TENM2: variants seen among roughly 807,000 people sequenced by gnomAD.
The protein encoded by TENM2 is teneurin transmembrane protein 2.
TENM2 carries 52 observed loss-of-function variants against 245.2 expected under a neutral mutation model. The ratio of observed to expected loss-of-function variants is 0.21; its 90% confidence interval spans 0.17 to 0.27. The LOEUF (loss-of-function observed/expected upper bound fraction) is 0.27, where lower values mean the gene tolerates loss of function less well. Ranked by LOEUF, TENM2 falls within the 10% of genes least tolerant of loss-of-function variation. TENM2 has a pLI of 1.00. For synonymous variants in TENM2, 1,363 were observed against 1,438.9 expected (o/e 0.95, Z 1.19); for missense variants, 3,046 against 3,666.8 (o/e 0.83, Z 4.37).
intron 27 of TENM2, among the ~76,000 whole-genome samples, chr5:168,248,588 C>T (rs1766810849): frequency 6.6e-6 from 1 of 152,228 alleles, no homozygotes; most frequent in Non-Finnish European, 1.5e-5. Flanking sequence ...CAACCACTTT[C>T]ATGTCCAGTC....
chr5:167,701,374 G>A (rs1288340100), intron 2 of TENM2, among the ~76,000 whole-genome samples: 2 of 150,368 alleles, frequency 1.3e-5, no homozygotes, highest in Non-Finnish European at 3.0e-5. Flanking sequence ...TGGCATTATC[G>A]TCATGTTGGG....
intron 2 of TENM2, among the ~76,000 whole-genome samples, chr5:167,524,940 T>C (rs1469683433): frequency 2.0e-5 from 3 of 151,928 alleles, no homozygotes; most frequent in African/African-American, 4.8e-5. Flanking sequence ...CTGTAACACA[T>C]CTGAAGTGGT....
chr5:168,124,987 T>C (rs1165752711), exon 11 of TENM2: 1 of 1,611,342 alleles, frequency 6.2e-7, no homozygotes, highest in African/African-American at 1.3e-5. Flanking sequence ...GCATGGCACG[T>C]ACCTGCCTGA....
chr5:167,601,383 A>G (rs190135890), intron 2 of TENM2, among the ~76,000 whole-genome samples: 9 of 152,388 alleles, frequency 5.9e-5, no homozygotes, highest in East Asian at 5.8e-4. Flanking sequence ...TTAAACTGCC[A>G]CAAGTGGCAA....
chr5:167,357,922 T>C (rs1759451829), intron 1 of TENM2, among the ~76,000 whole-genome samples: 1 of 152,160 alleles, frequency 6.6e-6, no homozygotes, highest in South Asian at 2.1e-4. Flanking sequence ...TGTGCCCACA[T>C]ACTCCACCTT....
At chr5:167,876,222 G>A (rs1773413360) in intron 3 of TENM2, 27 bp downstream of exon 5, 1 of 1,517,056 alleles carries the variant, frequency 6.6e-7, no homozygotes, top group South Asian at 1.2e-5. Flanking sequence ...GTGTCTGAAT[G>A]TGTGGTGTTT....
chr5:167,739,614 T>A lies in TENM2; in HGVS notation c.503-136372T>A, dbSNP rs956782718. 9.8e-4 allele frequency among the ~76,000 whole-genome samples: 149 copies of A among 152,284 alleles called. 4 individuals carry two copies. In the South Asian group the frequency reaches 0.03, roughly 31 times the overall value. Reference sequence around the variant, plus strand: ...TGCCTTGTATCTGTCTTCTCCTGTCTTGGTGATGACGGACTTTAGGAGATA... The same window carrying A: ...TGCCTTGTATCTGTCTTCTCCTGTCATGGTGATGACGGACTTTAGGAGATA... On this transcript the variant is annotated intron_variant, in intron 2 of 28. Coordinates refer to ENST00000518659, the Ensembl canonical transcript of TENM2.
At chr5:167,871,242 G>T (rs958172694) in intron 2 of TENM2, among the ~76,000 whole-genome samples, 1 of 152,062 alleles carries the variant, frequency 6.6e-6, no homozygotes, top group Non-Finnish European at 1.5e-5. Context: ...TGTCAAATAA[G>T]CACTGTGATC....
intron 25 of TENM2, among the ~76,000 whole-genome samples, chr5:168,241,669 A>T (rs1413990546): frequency 6.6e-6 from 1 of 152,132 alleles, no homozygotes; most frequent in Non-Finnish European, 1.5e-5. Context: ...CTGGGTTCAG[A>T]TTCCACTTCT....
At chr5:167,480,937 C>G (rs1333758384) in intron 2 of TENM2, among the ~76,000 whole-genome samples, 3 of 152,172 alleles carry the variant, frequency 2.0e-5, no homozygotes, top group African/African-American at 7.2e-5. Flanking sequence ...AGCACAGTTT[C>G]TGAAAACCAG....
chr5:167,744,802 TAAAAC>T (rs1363304716), intron 2 of TENM2, among the ~76,000 whole-genome samples: 1 of 150,478 alleles, frequency 6.6e-6, no homozygotes, highest in Non-Finnish European at 1.5e-5. Context: ...TGTCTCTCTC[TAAAAC>T]AAAACAAACA....
the TENM2 span, among the ~76,000 whole-genome samples, chr5:167,134,536 T>G: frequency 4.0e-4 from 61 of 152,326 alleles, no homozygotes; most frequent in East Asian, 0.01. Context: ...AGGTTGGTCC[T>G]GAATGTTGAT....
chr5:168,106,407 C>A (rs1006154206), intron 9 of TENM2, among the ~76,000 whole-genome samples: 2 of 152,218 alleles, frequency 1.3e-5, no homozygotes, highest in Non-Finnish European at 2.9e-5. Flanking sequence ...ATACGCCAAC[C>A]ACCGTGCTGA....
At chr5:167,949,520 T>C (rs1343366089) in intron 3 of TENM2, among the ~76,000 whole-genome samples, 1 of 152,154 alleles carries the variant, frequency 6.6e-6, no homozygotes, top group Non-Finnish European at 1.5e-5. Context: ...CTACACTTGG[T>C]TTTCGGGGAC....
rs553174379 is a variant in TENM2 at position 167,690,967 on chromosome 5, GT to G, written c.503-185018del. Among the ~76,000 whole-genome samples, 3 of 148,228 alleles carry G rather than the reference GT, an allele frequency of 2.0e-5. No homozygotes were observed. In the Admixed American group the frequency reaches 2.0e-4, roughly 10 times the overall value. On this transcript the variant is annotated intron_variant, in intron 2 of 28. Coordinates refer to ENST00000518659, the Ensembl canonical transcript of TENM2. ...TGTGTGTGTGTGTGTGTGTGTGTGT[GT>G]GTAGAGAGAGAGAGGAATATAAGCA...
chr5:168,132,407 A>G (rs1406453130), intron 12 of TENM2, among the ~76,000 whole-genome samples: 1 of 152,200 alleles, frequency 6.6e-6, no homozygotes, highest in Non-Finnish European at 1.5e-5. Context: ...TATGTGATTT[A>G]GTAATGTCTG....
chr5:167,078,484 A>AAACAACAACAACAACAAC, the TENM2 span, among the ~76,000 whole-genome samples: 4 of 54,804 alleles, frequency 7.3e-5, no homozygotes, highest in Non-Finnish European at 1.8e-4. Flanking sequence ...ACTCTGTCTC[A>AAACAACAACAACAACAAC]AACAACAACA....
chr5:167,755,701 C>A (rs1182478273), intron 2 of TENM2, among the ~76,000 whole-genome samples: 2 of 152,162 alleles, frequency 1.3e-5, no homozygotes, highest in African/African-American at 4.8e-5. Flanking sequence ...TTAAAATAGG[C>A]AAAAGGAAGA....
chr5:167,493,244 C>T (rs1768558586), intron 2 of TENM2, among the ~76,000 whole-genome samples: 1 of 151,944 alleles, frequency 6.6e-6, no homozygotes, highest in African/African-American at 2.4e-5. Context: ...TGCCACTGTA[C>T]TCCAGCCTGG....
Sources: gnomAD v4.1 joint callset for allele counts (sites outside exome capture counted in the v4.1 genomes callset) on GRCh38, gnomAD v4.1.1 for gene constraint, MANE v1.5 for transcripts, NCBI Gene and HGNC (gene_info 2026-07-23, HGNC 2026-07-21) for gene names.